Variants in MLLT10 observed in about 807,000 individuals in gnomAD.
The protein encoded by MLLT10 is MLLT10 histone lysine methyltransferase DOT1L cofactor, also known as protein AF-10.
Under a neutral mutation model 129.1 loss-of-function variants are expected in MLLT10, and 30 were observed. The observed-to-expected ratio is 0.23, with a 90% CI of 0.17 to 0.32. The LOEUF is 0.32. Among genes scored for constraint, MLLT10 ranks in the 10% least tolerant of loss-of-function variants. The pLI is 1.00. For synonymous variants in MLLT10, 490 were observed against 446.4 expected (o/e 1.10, Z -1.23); for missense variants, 1,119 against 1,268.3 (o/e 0.88, Z 1.79).
intron 15 of MLLT10, among the ~76,000 whole-genome samples, chr10:21,727,409 G>A (rs182302650): frequency 1.4e-4 from 22 of 152,018 alleles, no homozygotes; most frequent in Non-Finnish European, 2.9e-4. Flanking sequence ...TTTTAGTCTT[G>A]GTGTGCAGCT....
chr10:21,596,784 G>GT (rs2043052819), intron 5 of MLLT10, among the ~76,000 whole-genome samples: 1 of 151,868 alleles, frequency 6.6e-6, no homozygotes, highest in Non-Finnish European at 1.5e-5. Flanking sequence ...TTTACAAAGT[G>GT]TTTTATGTTA....
chr10:21,614,477 T>G (rs943224599), intron 6 of MLLT10, among the ~76,000 whole-genome samples: 1 of 152,050 alleles, frequency 6.6e-6, no homozygotes, highest in Non-Finnish European at 1.5e-5. Flanking sequence ...CTGTGACAGA[T>G]TGAAAAAGTA....
At chr10:21,672,619 C>G (rs964836224) in intron 10 of MLLT10, among the ~76,000 whole-genome samples, 1 of 152,014 alleles carries the variant, frequency 6.6e-6, no homozygotes, top group Non-Finnish European at 1.5e-5. Context: ...TTTCTTATAT[C>G]TTAGAATGGT....
chr10:21,603,470 A>G (rs1334675259), intron 5 of MLLT10, among the ~76,000 whole-genome samples: 2 of 152,184 alleles, frequency 1.3e-5, no homozygotes, highest in African/African-American at 4.8e-5. Flanking sequence ...TAAAGCTTTA[A>G]TACTTAATCT....
chr10:21,668,838 CTTTA>C, intron 9 of MLLT10: 1 of 1,063,072 alleles, frequency 9.4e-7, no homozygotes, highest in Non-Finnish European at 1.2e-6. Flanking sequence ...TCTCTCCATT[CTTTA>C]TTTGATACAT....
chr10:21,677,525 C>A (rs758369400), intron 11 of MLLT10, among the ~76,000 whole-genome samples: 7 of 152,142 alleles, frequency 4.6e-5, no homozygotes, highest in African/African-American at 7.2e-5. Flanking sequence ...TTAAATCATT[C>A]TTTTCTAGAT....
At chr10:21,679,372 A>G (rs549007388) in intron 11 of MLLT10, among the ~76,000 whole-genome samples, 8 of 152,286 alleles carry the variant, frequency 5.3e-5, no homozygotes, top group African/African-American at 7.2e-5. Flanking sequence ...CCTCTTCGCT[A>G]TTTATCTTCA....
intron 9 of MLLT10, among the ~76,000 whole-genome samples, chr10:21,653,544 ATG>A (rs942185105): frequency 2.0e-5 from 3 of 152,080 alleles, no homozygotes; most frequent in African/African-American, 7.2e-5. Flanking sequence ...CTTTAAGCTC[ATG>A]TGATTAGATT....
chr10:21,601,746 C>A (rs1459905788), intron 5 of MLLT10, among the ~76,000 whole-genome samples: 1 of 152,142 alleles, frequency 6.6e-6, no homozygotes, highest in Admixed American at 6.6e-5. Flanking sequence ...CTATATATAG[C>A]CCAGGCTGGT....
intron 5 of MLLT10, among the ~76,000 whole-genome samples, chr10:21,600,151 T>G (rs536378147): frequency 6.6e-6 from 1 of 152,138 alleles, no homozygotes; most frequent in Non-Finnish European, 1.5e-5. Flanking sequence ...GTTCCTTTGG[T>G]GTGTCTATTT....
chr10:21,737,313 C>T (rs891822660), intron 21 of MLLT10, among the ~76,000 whole-genome samples: 9 of 152,084 alleles, frequency 5.9e-5, no homozygotes, highest in African/African-American at 1.9e-4. Context: ...AGCATATGGG[C>T]ACCTCAAGAC....
rs762941281 is a variant in MLLT10 at position 21,734,132 on chromosome 10, A to G, written c.2858+3A>G. 8 of 1,588,594 alleles carry G rather than the reference A, an allele frequency of 5.0e-6. No homozygotes were observed. In the East Asian group the frequency reaches 6.7e-5, roughly 13 times the overall value. ...ATGCCAGCTACACTGACTAACAGGT[A>G]AGAAACTTAAGTATGTTTTGGGTTT... On this transcript the variant is annotated splice_donor_region_variant and intron_variant, in intron 20 of 22. Coordinates refer to ENST00000307729, the MANE Select transcript of MLLT10 (RefSeq NM_001195626.3).
intron 3 of MLLT10, among the ~76,000 whole-genome samples, chr10:21,566,997 GA>G (rs1564424535): frequency 6.6e-6 from 1 of 151,922 alleles, no homozygotes; most frequent in African/African-American, 2.4e-5. Context: ...ATTTTTAGTA[GA>G]GACGGAGTTT....
rs184471512 is a variant in MLLT10, at chr10:21,642,532, C to T, written c.700-9141C>T. 2.5e-4 allele frequency among the ~76,000 whole-genome samples: 38 copies of T among 151,764 alleles called. 1 individual carries two copies. In the East Asian group the frequency reaches 7.4e-3, roughly 29 times the overall value. The stretch of plus-strand genomic sequence containing the variant: ...ATTAGCTGGGTGTGGTGGCACATGC[C>T]GGTAATCCCAGGTACTCGGGAGGAT... On this transcript the variant is annotated intron_variant, in intron 8 of 22. Coordinates refer to ENST00000307729, the MANE Select transcript of MLLT10 (RefSeq NM_001195626.3).
At position 21,590,025 on chromosome 10, in the gene MLLT10, C is replaced by G. The variant is rs577523534; in HGVS notation, c.295+3677C>G. ...CATAGCTCACTGCAGATTCAAACTCCTGGATTCAAGTGATCCTTCTGCCTC... is the reference window on the plus strand; with the variant it reads ...CATAGCTCACTGCAGATTCAAACTCGTGGATTCAAGTGATCCTTCTGCCTC... On this transcript the variant is annotated intron_variant, in intron 4 of 22. Transcript: ENST00000307729. Among the ~76,000 whole-genome samples, 8 of 152,254 alleles carry G rather than the reference C, an allele frequency of 5.3e-5. No individual in the cohort carries two copies. In the South Asian group the frequency reaches 1.7e-3, roughly 32 times the overall value.
Position 21,617,137 on chromosome 10 carries a change from G to T in MLLT10, c.629G>T (p.Arg210Met). The T allele has an allele frequency of 6.5e-7, 1 of 1,530,296 alleles. No homozygotes were observed. The highest frequency in any genetic ancestry group is 8.8e-7 in the Non-Finnish European group (1 of 1,133,914). 94.8% of individuals were successfully genotyped at this position (1,530,296 alleles called of 1,614,324 possible). Residue 210 changes from arginine (R) to methionine (M), a missense_variant, in exon 8 of 23, where the codon AGG becomes ATG. This residue lies in a region of MLLT10 where 1,004 missense variants were observed against 1,008.7 expected (regional missense o/e 1.00). Coordinates refer to ENST00000307729, the MANE Select transcript of MLLT10 (RefSeq NM_001195626.3). ...AAAAAGAGCAAACGGGGATCTAATA[G>T]GTCATATGATCAAAGTTTAAGTGAT... ...KLKKSKRGSNRSYDQSLSDSS... is the reference protein window; with the variant it reads ...KLKKSKRGSNMSYDQSLSDSS...
At chr10:21,548,691 C>G (rs915073541) in intron 3 of MLLT10, among the ~76,000 whole-genome samples, 3 of 152,054 alleles carry the variant, frequency 2.0e-5, no homozygotes, top group African/African-American at 4.8e-5. Context: ...CTTTGCATTA[C>G]TGATAATATC....
At chr10:21,731,300 G>A (rs1265347371) in intron 17 of MLLT10, among the ~76,000 whole-genome samples, 1 of 152,192 alleles carries the variant, frequency 6.6e-6, no homozygotes, top group East Asian at 1.9e-4. Flanking sequence ...GTTTTTTAAA[G>A]TTCTTTAATC....
intron 21 of MLLT10, among the ~76,000 whole-genome samples, chr10:21,739,635 A>AT: frequency 6.6e-6 from 1 of 152,240 alleles, no homozygotes; most frequent in South Asian, 2.1e-4. Context: ...TGCTTGCTGT[A>AT]GAGTGGTAAC....
Sources: allele counts gnomAD v4.1 joint callset (sites outside exome capture counted in the v4.1 genomes callset), GRCh38; gene constraint gnomAD v4.1.1; regional missense constraint gnomAD v4.1.1; transcripts MANE v1.5; gene names NCBI Gene and HGNC (gene_info 2026-07-23, HGNC 2026-07-21).